The following CAMKMT variants were observed in gnomAD, a reference collection of about 807,000 sequenced individuals.
CAMKMT encodes CaM KMT.
Under a neutral mutation model 48.0 loss-of-function variants are expected in CAMKMT, and 53 were observed. The ratio of observed to expected loss-of-function variants is 1.10; its 90% CI spans 0.89 to 1.39. CAMKMT has a LOEUF of 1.39. Ranked by LOEUF, CAMKMT falls within the 40% of genes most tolerant of loss-of-function variation. The pLI is 0.00. For synonymous variants in CAMKMT, 165 were observed against 152.3 expected (o/e 1.08, Z -0.61); for missense variants, 428 against 402.7 (o/e 1.06, Z -0.54).
intron 2 of CAMKMT, among the ~76,000 whole-genome samples, chr2:44,382,507 C>G (rs1285041073): frequency 8.8e-5 from 13 of 148,026 alleles, no homozygotes; most frequent in Non-Finnish European, 1.8e-4. Flanking sequence ...GAGACAGAGT[C>G]TCGCTCTGTC....
intron 3 of CAMKMT, among the ~76,000 whole-genome samples, chr2:44,412,757 T>A (rs1683296030): frequency 6.6e-6 from 1 of 151,992 alleles, no homozygotes; most frequent in African/African-American, 2.4e-5. Context: ...CAAAATATCC[T>A]AAAAATTCAA....
In CAMKMT at chr2:44,533,592, C is replaced by A. The variant is rs576575591; in HGVS notation, c.376+143287C>A. 3.3e-5 allele frequency among the ~76,000 whole-genome samples: 5 copies of A among 152,282 alleles called. No individual in the cohort carries two copies. The South Asian group carries it at 8.3e-4, about 25-fold the overall frequency. On this transcript the variant is annotated intron_variant, in intron 3 of 10. Transcript: ENST00000378494. ...TTCATAAATGAAGGAGAAATAAATT[C>A]TTTCCCAGGCATGCAAAAGCTGACA...
chr2:44,542,286 T>C (rs1168820455), intron 3 of CAMKMT, among the ~76,000 whole-genome samples: 1 of 152,146 alleles, frequency 6.6e-6, no homozygotes, highest in East Asian at 1.9e-4. Context: ...GCAGCAAGCA[T>C]AGAGTTGTCA....
chr2:44,696,860 A>T (rs1325626927), intron 3 of CAMKMT, among the ~76,000 whole-genome samples: 3 of 152,206 alleles, frequency 2.0e-5, no homozygotes, highest in African/African-American at 7.2e-5. Context: ...AAGACATTGC[A>T]TTCATGAAAC....
Position 44,449,104 on chromosome 2 carries a change from T to A in CAMKMT, c.376+58799T>A, listed in dbSNP as rs531529361. On this transcript the variant is annotated intron_variant, in intron 3 of 10. Transcript: ENST00000378494. ...AAACTATTAAGTTGTACCATTTAACTGGGTGAACTTTGTGGCATGTAAATT... is the reference window on the plus strand; with the variant it reads ...AAACTATTAAGTTGTACCATTTAACAGGGTGAACTTTGTGGCATGTAAATT... Among the ~76,000 whole-genome samples the A allele has an allele frequency of 1.5e-4, 23 of 152,284 alleles. No homozygotes were observed. In the South Asian group the frequency reaches 4.8e-3, roughly 32 times the overall value.
intron 3 of CAMKMT, among the ~76,000 whole-genome samples, chr2:44,547,182 A>C (rs1244269071): frequency 6.6e-6 from 1 of 152,212 alleles, no homozygotes; most frequent in Non-Finnish European, 1.5e-5. Context: ...GACATTTTCC[A>C]GGTACACAAA....
At chr2:44,534,074 T>C (rs965203898) in intron 3 of CAMKMT, among the ~76,000 whole-genome samples, 1 of 151,976 alleles carries the variant, frequency 6.6e-6, no homozygotes, top group Non-Finnish European at 1.5e-5. Flanking sequence ...CAAGCAAGAA[T>C]AGCTATACTT....
intron 1 of CAMKMT, among the ~76,000 whole-genome samples, chr2:44,371,304 A>C (rs979862159): frequency 1.3e-5 from 2 of 151,930 alleles, no homozygotes; most frequent in Non-Finnish European, 2.9e-5. Context: ...TTTTTTGTAG[A>C]TATGGGGTCT....
At chr2:44,497,436 C>G (rs1481478027) in intron 3 of CAMKMT, among the ~76,000 whole-genome samples, 8 of 151,908 alleles carry the variant, frequency 5.3e-5, no homozygotes, top group Admixed American at 5.2e-4. Flanking sequence ...GAAATTCATT[C>G]TTTCATATTA....
At chr2:44,385,676 A>T (rs1680720901) in intron 2 of CAMKMT, among the ~76,000 whole-genome samples, 1 of 152,090 alleles carries the variant, frequency 6.6e-6, no homozygotes, top group African/African-American at 2.4e-5. Context: ...GAGAGTTTTA[A>T]TCATAAAGCA....
At chr2:44,535,552 G>A (rs1666730524) in intron 3 of CAMKMT, among the ~76,000 whole-genome samples, 6 of 152,162 alleles carry the variant, frequency 3.9e-5, no homozygotes, top group Admixed American at 3.9e-4. Flanking sequence ...GATCAAGTGG[G>A]ATTTAAAACA....
At chr2:44,691,694 A>T (rs1676664017) in intron 3 of CAMKMT, among the ~76,000 whole-genome samples, 1 of 152,154 alleles carries the variant, frequency 6.6e-6, no homozygotes, top group Non-Finnish European at 1.5e-5. Context: ...AGAGGTTAAG[A>T]ATAACAGGTC....
At chr2:44,404,874 A>T (rs944558809) in intron 3 of CAMKMT, among the ~76,000 whole-genome samples, 10 of 152,054 alleles carry the variant, frequency 6.6e-5, no homozygotes, top group African/African-American at 1.7e-4. Context: ...GTGTCTTTTT[A>T]AAAAAAGATG....
chr2:44,595,088 A>C (rs1670571343), intron 3 of CAMKMT, among the ~76,000 whole-genome samples: 1 of 152,244 alleles, frequency 6.6e-6, no homozygotes, highest in African/African-American at 2.4e-5. Context: ...AATGCAAATC[A>C]AAACCGCAAT....
At chr2:44,413,098 TTAAA>T (rs530249634) in intron 3 of CAMKMT, among the ~76,000 whole-genome samples, 9 of 151,406 alleles carry the variant, frequency 5.9e-5, no homozygotes, top group Non-Finnish European at 7.4e-5. Flanking sequence ...ATAAAATAAA[TTAAA>T]TAAATAAATA....
chr2:44,415,267 G>A (rs531812242), intron 3 of CAMKMT, among the ~76,000 whole-genome samples: 1 of 152,342 alleles, frequency 6.6e-6, no homozygotes, highest in Non-Finnish European at 1.5e-5. Context: ...CATCAAGTAG[G>A]TAGCAGATAT....
chr2:44,539,588 T>C (rs1370339373), intron 3 of CAMKMT, among the ~76,000 whole-genome samples: 2 of 152,160 alleles, frequency 1.3e-5, no homozygotes, highest in African/African-American at 4.8e-5. Flanking sequence ...TTTCTTATGC[T>C]AGTGTCCAGT....
chr2:44,556,118 A>G (rs140221017), intron 3 of CAMKMT, among the ~76,000 whole-genome samples: 94 of 151,826 alleles, frequency 6.2e-4, no homozygotes, highest in Middle Eastern at 3.4e-3. Flanking sequence ...AATACCTACA[A>G]TTTTTTTTAT....
chr2:44,651,859 A>G (rs1674087669), intron 3 of CAMKMT, among the ~76,000 whole-genome samples: 1 of 152,264 alleles, frequency 6.6e-6, no homozygotes, highest in African/African-American at 2.4e-5. Flanking sequence ...GAAGAATTTA[A>G]TGAGCTTTCT....
Sources: allele counts gnomAD v4.1 joint callset (sites outside exome capture counted in the v4.1 genomes callset), GRCh38; gene constraint gnomAD v4.1.1; transcripts MANE v1.5; gene names NCBI Gene and HGNC (gene_info 2026-07-23, HGNC 2026-07-21).